TCTN2: variants seen among roughly 807,000 people sequenced by gnomAD.
TCTN2 encodes the protein tectonic-2.
In TCTN2, 66 loss-of-function variants were observed where a neutral mutation model predicts 83.4. The ratio of observed to expected loss-of-function variants is 0.79; its 90% CI spans 0.65 to 0.97. The LOEUF is 0.97. Among genes scored for constraint, TCTN2 ranks in the 50% least tolerant of loss-of-function variants. The pLI, the probability that TCTN2 is intolerant of heterozygous loss-of-function variation, is 0.00. For synonymous variants in TCTN2, 301 were observed against 326.7 expected, an observed-to-expected ratio of 0.92 and a Z score of 0.85; for missense variants, 794 against 858.1, an observed-to-expected ratio of 0.93 and a Z score of 0.93.
At chr12:123,703,194 A>AT (rs1041192973) in intron 14 of TCTN2, among the ~76,000 whole-genome samples, 68 of 78,158 alleles carry the variant, frequency 8.7e-4, no homozygotes, top group Middle Eastern at 8.2e-3. Flanking sequence ...TATTATCATT[A>AT]TTTTTTTTTT....
rs1956207227 is a variant in TCTN2, at chr12:123,704,538, ATG to A, written c.1620_1621del (p.Ala541ProfsTer2). 1.2e-6 allele frequency: 2 copies of A among 1,611,898 alleles called. No individual in the cohort carries two copies. The highest frequency in any genetic ancestry group is 1.7e-6 in the Non-Finnish European group (2 of 1,178,998). ...TAACTTAACATTTCTATAGGTGTAG[ATG>A]CCCCTGATCCAGGTGCAGACCCGCT... On this transcript the variant is annotated frameshift_variant, in exon 15 of 18. Coordinates refer to ENST00000303372, the MANE Select transcript of TCTN2 (RefSeq NM_024809.5). LOFTEE classifies it high-confidence loss of function.
intron 7 of TCTN2, among the ~76,000 whole-genome samples, chr12:123,688,635 G>A (rs555074176): frequency 8.6e-5 from 13 of 152,022 alleles, no homozygotes; most frequent in Non-Finnish European, 1.9e-4. Flanking sequence ...AACTGTTTAT[G>A]TTCTCCAAAT....
At chr12:123,685,293 A>G (rs1452350492) in intron 5 of TCTN2, among the ~76,000 whole-genome samples, 1 of 152,330 alleles carries the variant, frequency 6.6e-6, no homozygotes, top group Admixed American at 6.5e-5. Context: ...TTTAATTTGA[A>G]TTGCTCTCGT....
At chr12:123,692,966 C>G (rs11057330) in intron 9 of TCTN2, among the ~76,000 whole-genome samples, 31 of 148,150 alleles carry the variant, frequency 2.1e-4, no homozygotes, top group African/African-American at 7.5e-4. Context: ...ACCGACCCTT[C>G]TAGTTCCAGC....
intron 13 of TCTN2, among the ~76,000 whole-genome samples, chr12:123,698,431 A>C (rs1283990826): frequency 6.6e-6 from 1 of 150,502 alleles, no homozygotes; most frequent in Non-Finnish European, 1.5e-5. Context: ...TTTTGATTGC[A>C]TGCGTTCTTT....
At chr12:123,688,450 T>C (rs1956003518) in intron 7 of TCTN2, among the ~76,000 whole-genome samples, 1 of 152,028 alleles carries the variant, frequency 6.6e-6, no homozygotes, top group Non-Finnish European at 1.5e-5. Context: ...CTCTTGACCC[T>C]GTGATCCTAG....
At chr12:123,676,251 C>T (rs115587008) in intron 4 of TCTN2, among the ~76,000 whole-genome samples, 3,623 of 151,948 alleles carry the variant, frequency 0.024, 151 homozygotes, top group African/African-American at 0.084. Context: ...TGTACTCCAG[C>T]CTGGTCGACA....
At chr12:123,671,470 T>C (rs1306940437) in intron 1 of TCTN2, 37 bp from the exon 2 acceptor site, 2 of 1,607,412 alleles carry the variant, frequency 1.2e-6, no homozygotes, top group Admixed American at 1.7e-5. Context: ...ATTCTTCCAC[T>C]GCTAACCCCT....
intron 11 of TCTN2, chr12:123,695,865 C>T (rs1348802662): frequency 1.2e-4 from 18 of 151,944 alleles, no homozygotes; most frequent in Non-Finnish European, 2.3e-4. Flanking sequence ...TTTTTTGAGA[C>T]GGAGTTTAAC....
rs147776264 is a variant in TCTN2 at position 123,674,260 on chromosome 12, A to G, written c.463+450A>G. On this transcript the variant is annotated intron_variant, in intron 4 of 17. Transcript: ENST00000303372. Reference sequence around the variant, plus strand: ...TTTTGGGAGAAGGTGAAATTTGTTTATGTACATTGATTCTCTCTCTTTTTT... The same window carrying G: ...TTTTGGGAGAAGGTGAAATTTGTTTGTGTACATTGATTCTCTCTCTTTTTT... 1.6e-3 allele frequency among the ~76,000 whole-genome samples: 236 copies of G among 151,992 alleles called. 1 individual carries two copies. Among genetic ancestry groups the G allele is most frequent in the African/African-American group, 5.4e-3 (223 of 41,472 alleles).
At chr12:123,686,432 C>G (rs1417651124) in intron 5 of TCTN2, among the ~76,000 whole-genome samples, 1 of 152,140 alleles carries the variant, frequency 6.6e-6, no homozygotes, top group Non-Finnish European at 1.5e-5. Context: ...GGAACGTTTC[C>G]CCTCACTCTA....
chr12:123,698,064 CAG>C (rs758568307), intron 13 of TCTN2, among the ~76,000 whole-genome samples: 8 of 151,590 alleles, frequency 5.3e-5, no homozygotes, highest in East Asian at 2.0e-4. Context: ...TGTTTTGAGA[CAG>C]AGTTTCACTC....
chr12:123,691,537 G>A (rs1382774690), intron 8 of TCTN2, among the ~76,000 whole-genome samples: 6 of 152,138 alleles, frequency 3.9e-5, no homozygotes, highest in Non-Finnish European at 8.8e-5. Flanking sequence ...CATTGTGTTT[G>A]TCCATTCCTC....
intron 8 of TCTN2, 109 bp from the exon 9 acceptor site, chr12:123,692,549 C>G (rs1001067334): frequency 1.2e-5 from 10 of 868,254 alleles, no homozygotes; most frequent in Non-Finnish European, 1.9e-5. Context: ...AGTCAGCACC[C>G]TGGGCAGTTG....
chr12:123,673,889 G>A (rs1345017383), intron 4 of TCTN2, 79 bp downstream of exon 4: 3 of 1,439,950 alleles, frequency 2.1e-6, no homozygotes, highest in Non-Finnish European at 1.9e-6. Flanking sequence ...GATTGCTTGA[G>A]CCCGGGAGGT....
intron 4 of TCTN2, among the ~76,000 whole-genome samples, chr12:123,676,248 C>T (rs1955819040): frequency 6.6e-6 from 1 of 152,002 alleles, no homozygotes; most frequent in South Asian, 2.1e-4. Context: ...CCATGTACTC[C>T]AGCCTGGTCG....
intron 5 of TCTN2, among the ~76,000 whole-genome samples, chr12:123,683,189 C>G (rs1330312938): frequency 6.6e-6 from 1 of 151,802 alleles, no homozygotes; most frequent in Non-Finnish European, 1.5e-5. Context: ...TACCACTGCA[C>G]TCCAGCCTGG....
intron 14 of TCTN2, among the ~76,000 whole-genome samples, chr12:123,700,392 G>A (rs1956158361): frequency 6.6e-6 from 1 of 152,144 alleles, no homozygotes; most frequent in African/African-American, 2.4e-5. Context: ...ACTTTGGGAG[G>A]TCAATGCAAG....
intron 15 of TCTN2, 77 bp from the exon 16 acceptor site, chr12:123,706,649 T>C: frequency 6.2e-7 from 1 of 1,608,900 alleles, no homozygotes; most frequent in Non-Finnish European, 8.5e-7. Context: ...ATATTGTGAT[T>C]GCATCCGTTA....
Sources: gnomAD v4.1 joint callset for allele counts (sites outside exome capture counted in the v4.1 genomes callset) on GRCh38, gnomAD v4.1.1 for gene constraint, MANE v1.5 for transcripts, NCBI Gene and HGNC (gene_info 2026-07-23, HGNC 2026-07-21) for gene names.